The following PTPRG variants were observed in gnomAD, a reference collection of about 807,000 sequenced individuals.
PTPRG encodes the protein protein tyrosine phosphatase receptor type G.
PTPRG carries 102 observed loss-of-function variants against 165.3 expected under a neutral mutation model. The observed-to-expected ratio is 0.62, with a 90% CI of 0.53 to 0.73. The LOEUF (loss-of-function observed/expected upper bound fraction) is 0.73, where lower values mean the gene tolerates loss of function less well. PTPRG is among the 30% of genes least tolerant of loss of function. The pLI, the probability that PTPRG is intolerant of heterozygous loss-of-function variation, is 0.00. For synonymous variants in PTPRG, 675 were observed against 669.5 expected (o/e 1.01, Z -0.13); for missense variants, 1,866 against 1,861.4 (o/e 1.00, Z -0.05).
intron 2 of PTPRG, among the ~76,000 whole-genome samples, chr3:61,905,182 C>T (rs2038611144): frequency 6.6e-6 from 1 of 152,194 alleles, no homozygotes; most frequent in African/African-American, 2.4e-5. Flanking sequence ...TTATATTACT[C>T]TCACACAATA....
chr3:62,080,861 T>G (rs1701546775), intron 5 of PTPRG, among the ~76,000 whole-genome samples: 1 of 152,152 alleles, frequency 6.6e-6, no homozygotes, highest in Non-Finnish European at 1.5e-5. Flanking sequence ...GCTACTAGTT[T>G]GCATATAAAG....
chr3:61,830,644 G>A (rs56310921), intron 2 of PTPRG, among the ~76,000 whole-genome samples: 111 of 138,024 alleles, frequency 8.0e-4, no homozygotes, highest in African/African-American at 2.9e-3. Context: ...CCGTGATCTC[G>A]GTTCACTGCA....
intron 1 of PTPRG, among the ~76,000 whole-genome samples, chr3:61,588,452 AC>A (rs1700490187): frequency 6.8e-6 from 1 of 147,456 alleles, no homozygotes; most frequent in Non-Finnish European, 1.5e-5. Flanking sequence ...GCTCACTGCA[AC>A]CTCCACCTCT....
At chr3:62,262,064 A>C (rs1701716058) in intron 16 of PTPRG, 1 of 152,184 alleles carries the variant, frequency 6.6e-6, no homozygotes, top group Non-Finnish European at 1.5e-5. Context: ...ATAGTGTAGA[A>C]AAATTTGGCT....
chr3:61,687,662 A>G (rs1703676246), intron 1 of PTPRG, among the ~76,000 whole-genome samples: 1 of 152,262 alleles, frequency 6.6e-6, no homozygotes, highest in South Asian at 2.1e-4. Flanking sequence ...ATTTTAAGTA[A>G]GGCTTTGTGG....
chr3:61,914,311 G>T (rs948298905), intron 2 of PTPRG, among the ~76,000 whole-genome samples: 3 of 152,194 alleles, frequency 2.0e-5, no homozygotes, highest in African/African-American at 7.2e-5. Context: ...TAGTCTTGGA[G>T]CTGGGTCTTC....
intron 1 of PTPRG, among the ~76,000 whole-genome samples, chr3:61,583,691 C>T (rs903024423): frequency 5.9e-5 from 9 of 151,314 alleles, no homozygotes; most frequent in East Asian, 1.9e-4. Context: ...AGGCTGGGCT[C>T]GATACACCTT....
intron 4 of PTPRG, among the ~76,000 whole-genome samples, chr3:62,042,199 C>T (rs1700150913): frequency 1.3e-5 from 2 of 152,094 alleles, no homozygotes; most frequent in Admixed American, 6.6e-5. Context: ...CTGGAGCTTC[C>T]ACACCAGTTA....
chr3:61,807,508 TGTG>T (rs979786939), intron 2 of PTPRG, among the ~76,000 whole-genome samples: 5 of 152,210 alleles, frequency 3.3e-5, no homozygotes, highest in African/African-American at 1.2e-4. Context: ...ATTTTAACAT[TGTG>T]GTCAATTTGG....
intron 2 of PTPRG, among the ~76,000 whole-genome samples, chr3:61,832,224 C>A (rs774253570): frequency 1.1e-4 from 16 of 152,174 alleles, no homozygotes; most frequent in Non-Finnish European, 2.1e-4. Context: ...TTCGTTGTGA[C>A]ATGGAGATAG....
chr3:61,989,683 G>A lies in PTPRG; in HGVS notation c.249G>A (p.Gln83=). Residue 83 remains glutamine, a synonymous_variant, in exon 3 of 30, where the codon CAG becomes CAA. Coordinates refer to ENST00000474889, the MANE Select transcript of PTPRG (RefSeq NM_002841.4). ...GTGTCAGCTGTGGGGGCCGTCACCA[G>A]TCTCCTATTGACATTTTAGACCAGT... ...TSSVSCGGRH[Q]SPIDILDQYA... 1 of 1,614,136 alleles carries A rather than the reference G, an allele frequency of 6.2e-7. No homozygotes were observed. Among genetic ancestry groups the A allele is most frequent in the Non-Finnish European group, 8.5e-7 (1 of 1,180,006 alleles).
chr3:62,243,645 C>T (rs1467284224), intron 14 of PTPRG, 162 bp from the exon 15 acceptor site: 2 of 486,362 alleles, frequency 4.1e-6, no homozygotes, highest in Admixed American at 8.0e-5. Flanking sequence ...GCCCCTCCAA[C>T]AGGCTGAATG....
chr3:61,674,553 G>A (rs1009663341), intron 1 of PTPRG, among the ~76,000 whole-genome samples: 7 of 151,080 alleles, frequency 4.6e-5, no homozygotes, highest in Non-Finnish European at 1.0e-4. Flanking sequence ...AAAAAGGTGG[G>A]AGGTAGGAGA....
At chr3:61,735,231 T>A (rs1223708861) in intron 1 of PTPRG, among the ~76,000 whole-genome samples, 2 of 152,238 alleles carry the variant, frequency 1.3e-5, no homozygotes, top group African/African-American at 2.4e-5. Flanking sequence ...AGAATTTTTT[T>A]AATTAAATCA....
At position 62,203,491 on chromosome 3, in the gene PTPRG, G is replaced by A; in HGVS notation, c.1696G>A (p.Gly566Ser). The change falls in exon 12 of 30, where the codon GGT becomes AGT. Residue 566 changes from glycine (G) to serine (S), a missense_variant. By Grantham distance (56) the Gly-to-Ser change is moderately conservative. Coordinates refer to ENST00000474889, the MANE Select transcript of PTPRG (RefSeq NM_002841.4). This position sits in a 1 kb window ranked among gnomAD's most constrained non-coding sequence, Gnocchi z 6.4. ...TEALASPGPD[G>S]DSSPTKDGEG... The stretch of plus-strand genomic sequence containing the variant: ...GGCCTTGGCTTCTCCAGGGCCCGAT[G>A]GTGATTCGTCACCAACCAAGGACGG... The A allele has an allele frequency of 6.4e-7, 1 of 1,568,258 alleles. No homozygotes were observed. The highest frequency in any genetic ancestry group is 8.7e-7 in the Non-Finnish European group (1 of 1,155,786).
At chr3:62,110,404 A>G (rs1209805378) in intron 5 of PTPRG, among the ~76,000 whole-genome samples, 1 of 152,044 alleles carries the variant, frequency 6.6e-6, no homozygotes, top group African/African-American at 2.4e-5. Context: ...GGTGCTGAAT[A>G]TTTTCCCCAG....
chr3:62,017,946 G>C (rs1476671105), intron 4 of PTPRG, among the ~76,000 whole-genome samples: 2 of 152,178 alleles, frequency 1.3e-5, no homozygotes, highest in East Asian at 3.9e-4. Flanking sequence ...CAAGACAGAA[G>C]CCATGAGAAT....
At chr3:62,194,159 C>T (rs1469650295) in intron 9 of PTPRG, among the ~76,000 whole-genome samples, 1 of 152,180 alleles carries the variant, frequency 6.6e-6, no homozygotes, top group East Asian at 1.9e-4. Context: ...GGGAGCCATA[C>T]ACCTACCTAA....
At chr3:61,724,706 C>T (rs1328652205) in intron 1 of PTPRG, among the ~76,000 whole-genome samples, 1 of 152,022 alleles carries the variant, frequency 6.6e-6, no homozygotes, top group East Asian at 1.9e-4. Context: ...GCAGTTATAT[C>T]TCAGTGTGGT....
Sources: allele counts gnomAD v4.1 joint callset (sites outside exome capture counted in the v4.1 genomes callset), GRCh38; gene constraint gnomAD v4.1.1; non-coding constraint Gnocchi (gnomAD v3.1); transcripts MANE v1.5; gene names NCBI Gene and HGNC (gene_info 2026-07-23, HGNC 2026-07-21).